NSRP1: variants seen among roughly 807,000 people sequenced by gnomAD.
The protein encoded by NSRP1 is nuclear speckle splicing regulatory protein 1.
A neutral mutation model predicts 54.7 loss-of-function variants in NSRP1; 24 were observed. The observed-to-expected ratio is 0.44, with a 90% CI of 0.32 to 0.62. The LOEUF is 0.62. Among genes scored for constraint, NSRP1 ranks in the 20% least tolerant of loss-of-function variants. The pLI is 0.06. For synonymous variants in NSRP1, 210 were observed against 213.8 expected (o/e 0.98, Z 0.15); for missense variants, 596 against 651.2 (o/e 0.92, Z 0.92).
In NSRP1 at chr17:30,147,180, A is replaced by G. The variant is rs1416393587; in HGVS notation, c.115-25362A>G. On this transcript the variant is annotated intron_variant, in intron 2 of 6. Transcript: ENST00000247026. ...TTTTGCTCTTATTGCCCAGGATGGA[A>G]TGCAATGGTGCGATCTCGGCTCACT... Among the ~76,000 whole-genome samples, 4 of 150,316 alleles carry G rather than the reference A, an allele frequency of 2.7e-5. No individual in the cohort carries two copies. In the South Asian group the frequency reaches 8.4e-4, roughly 32 times the overall value.
intron 2 of NSRP1, chr17:30,128,228 C>A (rs529613840): frequency 6.4e-6 from 1 of 155,466 alleles, no homozygotes; most frequent in East Asian, 1.8e-4. Context: ...TAGTATATTC[C>A]TTTTATAGGT....
intron 6 of NSRP1, 119 bp downstream of exon 6, chr17:30,181,135 C>G (rs1159025746): frequency 1.5e-6 from 1 of 687,262 alleles, no homozygotes; most frequent in African/African-American, 1.8e-5. Flanking sequence ...TGTTGTCAGC[C>G]AGCCTTACCT....
At chr17:30,160,729 C>T (rs1904484248) in intron 2 of NSRP1, among the ~76,000 whole-genome samples, 1 of 152,112 alleles carries the variant, frequency 6.6e-6, no homozygotes. Context: ...AACACTTGAA[C>T]CATCATTCTT....
At position 30,185,775 on chromosome 17, in the gene NSRP1, G is replaced by A. The variant is rs2143011732; in HGVS notation, c.*101G>A. ...GGAGTGTGTTACCAGTAGTTTGGAG[G>A]GCATTTTTAAATTTATTTTCAAAAT... is the stretch of plus-strand genomic sequence containing the variant. On this transcript the variant is annotated 3_prime_UTR_variant, in exon 7 of 7. Transcript: ENST00000247026. The A allele has an allele frequency of 7.8e-7, 1 of 1,280,794 alleles. No homozygotes were observed. The highest frequency in any genetic ancestry group is 1.1e-6 in the Non-Finnish European group (1 of 950,004). The allele number at this position is 1,280,794 out of a possible 1,614,324, so 79.3% of individuals were successfully genotyped here.
intron 2 of NSRP1, chr17:30,128,147 A>G: frequency 3.6e-6 from 1 of 275,410 alleles, no homozygotes. Flanking sequence ...CTGTGAACTT[A>G]GTATGTGTAT....
In NSRP1 at chr17:30,147,132, C is replaced by CTT. The variant is rs112865148; in HGVS notation, c.115-25398_115-25397dup. 7.6e-3 allele frequency among the ~76,000 whole-genome samples: 1,072 copies of CTT among 140,372 alleles called. 13 individuals carry two copies. Among genetic ancestry groups the CTT allele is most frequent in the African/African-American group, 0.025 (947 of 38,016 alleles). 92.1% of individuals were successfully genotyped at this position (140,372 alleles called of 152,430 possible). The stretch of plus-strand genomic sequence containing the variant: ...AGACTTTTTCTTTTTCTTTTCTTTT[C>CTT]TTTTTTTTTTTTTGAGACGGAATTT... On this transcript the variant is annotated intron_variant, in intron 2 of 6. Transcript: ENST00000247026.
chr17:30,133,906 CTT>C (rs1567792102), intron 2 of NSRP1, among the ~76,000 whole-genome samples: 1 of 152,212 alleles, frequency 6.6e-6, no homozygotes, highest in Non-Finnish European at 1.5e-5. Context: ...CCTTCCATAA[CTT>C]TTCCTTTGCA....
chr17:30,185,464 C>T lies in NSRP1; in HGVS notation c.1467C>T (p.Pro489=), dbSNP rs769455239. The change falls in exon 7 of 7, where the codon CCC becomes CCT. Residue 489 remains proline (P), a synonymous_variant. Coordinates refer to ENST00000247026, the MANE Select transcript of NSRP1 (RefSeq NM_032141.4). Reference sequence around the variant, plus strand: ...ACAAAGAAAGAAACCAAGAGAAACCCTCTAATTCTGAATCATCACTGGGAG... The same window carrying T: ...ACAAAGAAAGAAACCAAGAGAAACCTTCTAATTCTGAATCATCACTGGGAG... ...AKDKERNQEK[P]SNSESSLGAK... 18 of 1,611,858 alleles carry T rather than the reference C, an allele frequency of 1.1e-5. No homozygotes were observed. Among genetic ancestry groups the T allele is most frequent in the Non-Finnish European group, 8.5e-7 (1 of 1,179,582 alleles).
chr17:30,146,901 T>A (rs1337136239), intron 2 of NSRP1, among the ~76,000 whole-genome samples: 1 of 152,184 alleles, frequency 6.6e-6, no homozygotes, highest in Admixed American at 6.5e-5. Context: ...CTAATCAGAT[T>A]TACTGTAATA....
At chr17:30,181,829 C>T (rs966160732) in intron 6 of NSRP1, among the ~76,000 whole-genome samples, 3 of 151,770 alleles carry the variant, frequency 2.0e-5, no homozygotes, top group Non-Finnish European at 4.4e-5. Flanking sequence ...AGACTAGTCT[C>T]GAATTCCTGA....
intron 4 of NSRP1, 98 bp from the exon 5 acceptor site, chr17:30,178,992 G>A (rs1905212955): frequency 1.5e-6 from 1 of 664,286 alleles, no homozygotes; most frequent in Admixed American, 3.7e-5. Flanking sequence ...ATCTTATTTG[G>A]GCCAATCATT....
intron 1 of NSRP1, chr17:30,117,267 CA>C: frequency 1.7e-6 from 1 of 594,746 alleles, no homozygotes; most frequent in South Asian, 2.1e-5. Flanking sequence ...GGCAGAAGCT[CA>C]AGTCCTGATT....
At position 30,135,814 on chromosome 17, in the gene NSRP1, A is replaced by T. The variant is rs180937990; in HGVS notation, c.114+17641A>T. On this transcript the variant is annotated intron_variant, in intron 2 of 6. Coordinates refer to ENST00000247026, the MANE Select transcript of NSRP1 (RefSeq NM_032141.4). ...AGGACCGGGGTGGTAGATACTGTGC[A>T]TCTCATGCCCCCATTCATATAGGTG... Among the ~76,000 whole-genome samples, 529 of 152,248 alleles carry T rather than the reference A, an allele frequency of 3.5e-3. 3 individuals carry two copies. The highest frequency in any genetic ancestry group is 0.012 in the African/African-American group (512 of 41,546).
At chr17:30,117,386 A>T (rs1171998184) in intron 1 of NSRP1, 2 of 474,494 alleles carry the variant, frequency 4.2e-6, no homozygotes, top group African/African-American at 4.0e-5. Flanking sequence ...CAAATACTGT[A>T]CGTACTTGAA....
chr17:30,160,281 ATGT>A (rs1904469291), intron 2 of NSRP1, among the ~76,000 whole-genome samples: 1 of 151,848 alleles, frequency 6.6e-6, no homozygotes, highest in African/African-American at 2.4e-5. Context: ...TTGTTTTTTA[ATGT>A]TGTGCCTTTG....
intron 2 of NSRP1, among the ~76,000 whole-genome samples, chr17:30,128,389 A>T (rs2071669799): frequency 6.6e-6 from 1 of 152,088 alleles, no homozygotes; most frequent in Non-Finnish European, 1.5e-5. Context: ...AACTTAGGAC[A>T]ATAGTGAGCT....
At chr17:30,145,519 G>T (rs1410403988) in intron 2 of NSRP1, among the ~76,000 whole-genome samples, 1 of 152,070 alleles carries the variant, frequency 6.6e-6, no homozygotes, top group Non-Finnish European at 1.5e-5. Flanking sequence ...GGAGGTGGAG[G>T]TTGCAGCGAG....
chr17:30,166,006 A>G (rs1001680570), intron 2 of NSRP1, among the ~76,000 whole-genome samples: 2 of 152,200 alleles, frequency 1.3e-5, no homozygotes. Context: ...AAAAAAAAGT[A>G]CAGCTACTGT....
At chr17:30,118,660 A>C (rs946110239) in intron 2 of NSRP1, among the ~76,000 whole-genome samples, 8 of 152,164 alleles carry the variant, frequency 5.3e-5, no homozygotes, top group African/African-American at 1.7e-4. Context: ...ATCTAATATC[A>C]ACATTTTCTA....
Sources: allele counts gnomAD v4.1 joint callset (sites outside exome capture counted in the v4.1 genomes callset), GRCh38; gene constraint gnomAD v4.1.1; transcripts MANE v1.5; gene names NCBI Gene and HGNC (gene_info 2026-07-23, HGNC 2026-07-21).